Variants in SBF2 observed in about 807,000 individuals in gnomAD.
SBF2 encodes myotubularin-related protein 13.
A neutral mutation model predicts 225.2 loss-of-function variants in SBF2; 112 were observed. The observed-to-expected ratio is 0.50, with a 90% confidence interval of 0.43 to 0.58. The LOEUF (loss-of-function observed/expected upper bound fraction) is 0.58. Among genes scored for constraint, SBF2 ranks in the 20% least tolerant of loss-of-function variants. The pLI is 0.00. For synonymous variants in SBF2, 763 were observed against 773.3 expected, an observed-to-expected ratio of 0.99 and a Z score of 0.22; for missense variants, 1,996 against 2,206.2, an observed-to-expected ratio of 0.90 and a Z score of 1.91.
chr11:9,858,214 C>G lies in SBF2; in HGVS notation c.2100+12G>C. Reference sequence around the variant, plus strand: ...AATCCCACACAATTAGAGTTCTTTTCTTCTCTCTTACCTTTTGCTTCAGAT... The same window carrying G: ...AATCCCACACAATTAGAGTTCTTTTGTTCTCTCTTACCTTTTGCTTCAGAT... On this transcript the variant is annotated intron_variant, in intron 18 of 39. Coordinates refer to ENST00000256190, the MANE Select transcript of SBF2 (RefSeq NM_030962.4). The G allele has an allele frequency of 6.2e-7, 1 of 1,613,920 alleles. No homozygotes were observed. Among genetic ancestry groups the G allele is most frequent in the African/African-American group, 1.3e-5 (1 of 75,044 alleles).
At chr11:9,927,893 A>G (rs1590485080) in intron 16 of SBF2, among the ~76,000 whole-genome samples, 1 of 152,218 alleles carries the variant, frequency 6.6e-6, no homozygotes, top group East Asian at 1.9e-4. Flanking sequence ...TGATGCAACA[A>G]CAACTCTATA....
rs764107762 is a variant in SBF2, at chr11:9,998,298, G to C, written c.943C>G (p.Leu315Val). The change falls in exon 9 of 40, where the codon CTT becomes GTT. Residue 315 changes from leucine (L) to valine (V), a missense_variant. Leu to Val is a conservative substitution (Grantham distance 32, BLOSUM62 1). Coordinates refer to ENST00000256190, the MANE Select transcript of SBF2 (RefSeq NM_030962.4). ...AGAGCTGATTGAGTCTGATGTAGAA[G>C]TGGTTCTGGGAGGGAAGAGAGGTGA... ...CIHLSSLPEP[L>V]LHQTQSALSL... 7.5e-6 allele frequency: 12 copies of C among 1,604,360 alleles called. No individual in the cohort carries two copies. The highest frequency in any genetic ancestry group is 1.0e-5 in the Non-Finnish European group (12 of 1,171,482).
At chr11:10,268,400 C>T (rs1962189172) in intron 1 of SBF2, among the ~76,000 whole-genome samples, 1 of 152,010 alleles carries the variant, frequency 6.6e-6, no homozygotes, top group South Asian at 2.1e-4. Context: ...TGTCAAGTTC[C>T]CAAACAATTT....
At chr11:9,826,878 G>A (rs554548685) in intron 28 of SBF2, among the ~76,000 whole-genome samples, 2 of 152,050 alleles carry the variant, frequency 1.3e-5, no homozygotes, top group East Asian at 1.9e-4. Flanking sequence ...GCAATGGTGC[G>A]ATCTTGGCTC....
At chr11:9,925,646 G>A (rs1289084107) in intron 16 of SBF2, among the ~76,000 whole-genome samples, 1 of 152,156 alleles carries the variant, frequency 6.6e-6, no homozygotes, top group East Asian at 1.9e-4. Context: ...CACACTAACA[G>A]CACATCTTGG....
chr11:10,001,937 A>G (rs948851474), intron 7 of SBF2, among the ~76,000 whole-genome samples: 1 of 152,136 alleles, frequency 6.6e-6, no homozygotes, highest in African/African-American at 2.4e-5. Flanking sequence ...TAGAGGTATA[A>G]TATTCTAGTT....
rs1307767458 is a variant in SBF2, at chr11:9,818,237, GC to G, written c.3794-1214del. Among the ~76,000 whole-genome samples, 9 of 152,268 alleles carry G rather than the reference GC, an allele frequency of 5.9e-5. No homozygotes were observed. The East Asian group carries it at 1.7e-3, about 29-fold the overall frequency. On this transcript the variant is annotated intron_variant, in intron 28 of 39. Coordinates refer to ENST00000256190, the MANE Select transcript of SBF2 (RefSeq NM_030962.4). ...TGGGATTACAGGCATGAGCCACCAC[GC>G]CCAGCCAGAAGCAGATACCTTCTAA...
In SBF2 at chr11:9,789,265, A is replaced by C; in HGVS notation, c.4776T>G (p.Pro1592=). ...GGGTTAGCATCATCCAGTCATAGGA[A>C]GGGCCTGTGGACAGGGTCTCTTCTA... is the stretch of plus-strand genomic sequence containing the variant. The part of the protein sequence containing the change: ...YYIEETLSTG[P]SYDWMMLTPK... Residue 1592 remains proline, a synonymous_variant, in exon 35 of 40, where the codon CCT becomes CCG. Coordinates refer to ENST00000256190, the MANE Select transcript of SBF2 (RefSeq NM_030962.4). 6.2e-7 allele frequency: 1 copy of C among 1,614,166 alleles called. No individual in the cohort carries two copies.
chr11:10,044,948 T>C (rs949424930), intron 2 of SBF2, among the ~76,000 whole-genome samples: 2 of 151,986 alleles, frequency 1.3e-5, no homozygotes, highest in African/African-American at 4.8e-5. Context: ...AAGCACTTGT[T>C]TCTAACAACC....
chr11:9,831,747 C>T (rs958166568), intron 27 of SBF2, among the ~76,000 whole-genome samples: 1 of 152,168 alleles, frequency 6.6e-6, no homozygotes, highest in Non-Finnish European at 1.5e-5. Flanking sequence ...CTTGAAAGAT[C>T]CTGAAGCAGC....
At chr11:10,018,782 CG>C (rs1415634285) in intron 6 of SBF2, among the ~76,000 whole-genome samples, 3 of 152,126 alleles carry the variant, frequency 2.0e-5, no homozygotes, top group African/African-American at 7.2e-5. Context: ...ATTTTTACAA[CG>C]GTTTCTTTAT....
intron 6 of SBF2, among the ~76,000 whole-genome samples, chr11:10,004,589 A>AC (rs1554981760): frequency 6.7e-6 from 1 of 148,966 alleles, no homozygotes; most frequent in African/African-American, 2.4e-5. Flanking sequence ...AAAAAAAAAA[A>AC]AAAAAACAAA....
chr11:10,018,802 CATAA>C (rs1948740056), intron 6 of SBF2, among the ~76,000 whole-genome samples: 1 of 152,158 alleles, frequency 6.6e-6, no homozygotes, highest in Non-Finnish European at 1.5e-5. Context: ...ATAGAACTAG[CATAA>C]ATATTTAATT....
At chr11:10,087,536 C>T (rs1165814644) in intron 2 of SBF2, among the ~76,000 whole-genome samples, 1 of 152,060 alleles carries the variant, frequency 6.6e-6, no homozygotes, top group Non-Finnish European at 1.5e-5. Flanking sequence ...AGCTAACTGC[C>T]CATATCTGGC....
chr11:9,849,922 A>G (rs1157202254), intron 22 of SBF2, 101 bp downstream of exon 22: 3 of 1,154,930 alleles, frequency 2.6e-6, no homozygotes, highest in Non-Finnish European at 3.9e-6. Flanking sequence ...CAAAAAGCTG[A>G]CTTTGGATTT....
intron 13 of SBF2, among the ~76,000 whole-genome samples, chr11:9,974,223 G>C (rs1946575044): frequency 6.6e-6 from 1 of 152,102 alleles, no homozygotes; most frequent in African/African-American, 2.4e-5. Context: ...TTTAATATTT[G>C]ATATGCTGGT....
intron 2 of SBF2, among the ~76,000 whole-genome samples, chr11:10,101,536 T>C (rs1293343892): frequency 6.6e-6 from 1 of 151,958 alleles, no homozygotes. Context: ...AGCAGGGTCA[T>C]CAAAAACCGC....
intron 20 of SBF2, 27 bp downstream of exon 20, chr11:9,853,513 A>G: frequency 6.2e-7 from 1 of 1,603,318 alleles, no homozygotes; most frequent in Non-Finnish European, 8.5e-7. Context: ...CAATATTCTG[A>G]TTCTCTAATA....
At chr11:9,813,950 A>C (rs1358360440) in intron 29 of SBF2, among the ~76,000 whole-genome samples, 2 of 152,182 alleles carry the variant, frequency 1.3e-5, no homozygotes, top group Non-Finnish European at 2.9e-5. Flanking sequence ...TTAAAAAAAA[A>C]AATTACATAA....
Sources: allele counts gnomAD v4.1 joint callset (sites outside exome capture counted in the v4.1 genomes callset), GRCh38; gene constraint gnomAD v4.1.1; transcripts MANE v1.5; gene names NCBI Gene and HGNC (gene_info 2026-07-23, HGNC 2026-07-21).